MGAT4C: variants seen among roughly 807,000 people sequenced by gnomAD.
The protein encoded by MGAT4C is alpha-1,3-mannosyl-glycoprotein 4-beta-N-acetylglucosaminyltransferase C.
A neutral mutation model predicts 40.1 loss-of-function variants in MGAT4C; 19 were observed. That is an observed-to-expected ratio of 0.47 (90% CI 0.33 to 0.70). The LOEUF is 0.70. Among genes scored for constraint, MGAT4C ranks in the 30% least tolerant of loss-of-function variants. The probability of loss-of-function intolerance (pLI) is 0.02; values close to 1 mark genes in which losing one functional copy is unlikely to be tolerated. For synonymous variants in MGAT4C, 181 were observed against 187.1 expected, an observed-to-expected ratio of 0.97 and a Z score of 0.27; for missense variants, 491 against 563.2, an observed-to-expected ratio of 0.87 and a Z score of 1.30.
rs1885237574 is a variant in MGAT4C at position 86,158,538 on chromosome 12, T to C, written c.-57+97701A>G. On this transcript the variant is annotated intron_variant, in intron 1 of 4. Transcript: ENST00000611864. ...ATTTCTTCTTCTTATTTCATGTCTT[T>C]ATTTTAAAAGAATCAACAACACAGA... 2.0e-5 allele frequency among the ~76,000 whole-genome samples: 3 copies of C among 152,174 alleles called. No individual in the cohort carries two copies. The South Asian group carries it at 6.2e-4, about 31-fold the overall frequency.
chr12:86,234,178 G>A lies in MGAT4C; in HGVS notation c.-57+22061C>T, dbSNP rs529326904. ...AGTTTTTTGTAAAAAACATGTATGT[G>A]TTTCCCTAAAGATGAATTCCAGAGA... On this transcript the variant is annotated intron_variant, in intron 1 of 4. Transcript: ENST00000611864. 7.8e-4 allele frequency among the ~76,000 whole-genome samples: 118 copies of A among 152,138 alleles called. 2 individuals carry two copies. In the South Asian group the frequency reaches 0.012, roughly 16 times the overall value.
At chr12:86,734,641 T>C (rs1350887522) in intron 1 of MGAT4C, among the ~76,000 whole-genome samples, 3 of 151,940 alleles carry the variant, frequency 2.0e-5, no homozygotes, top group African/African-American at 4.8e-5. Flanking sequence ...CTGTAGCACA[T>C]GAGGATACAA....
intron 3 of MGAT4C, among the ~76,000 whole-genome samples, chr12:86,380,608 C>A (rs1955910503): frequency 6.6e-6 from 1 of 152,066 alleles, no homozygotes; most frequent in African/African-American, 2.4e-5. Flanking sequence ...ATGATTAGAT[C>A]AAAATTCAAC....
At chr12:86,109,044 G>A (rs553174169) in intron 1 of MGAT4C, among the ~76,000 whole-genome samples, 1 of 152,126 alleles carries the variant, frequency 6.6e-6, no homozygotes, top group South Asian at 2.1e-4. Flanking sequence ...ACTCCTGAAG[G>A]GAAGCAGAGA....
At chr12:86,807,486 T>C (rs374170580) in intron 1 of MGAT4C, among the ~76,000 whole-genome samples, 201 of 152,252 alleles carry the variant, frequency 1.3e-3, no homozygotes, top group African/African-American at 4.5e-3. Flanking sequence ...TAGTATTCCA[T>C]AGTGTATATG....
intron 1 of MGAT4C, among the ~76,000 whole-genome samples, chr12:86,192,423 C>T (rs1194855794): frequency 6.6e-6 from 1 of 152,074 alleles, no homozygotes; most frequent in African/African-American, 2.4e-5. Flanking sequence ...CCTTCCACAC[C>T]TGTTTGAGGA....
At chr12:85,993,358 CA>C (rs1886203288) in intron 2 of MGAT4C, among the ~76,000 whole-genome samples, 1 of 152,046 alleles carries the variant, frequency 6.6e-6, no homozygotes, top group Non-Finnish European at 1.5e-5. Flanking sequence ...GGAAGAATGG[CA>C]ATACCATTGG....
chr12:86,038,588 G>A (rs1234805684), intron 2 of MGAT4C, among the ~76,000 whole-genome samples: 2 of 141,590 alleles, frequency 1.4e-5, no homozygotes, highest in Non-Finnish European at 3.1e-5. Flanking sequence ...CATTTGCTTG[G>A]TAAATATTCC....
intron 2 of MGAT4C, among the ~76,000 whole-genome samples, chr12:86,694,095 A>C (rs1950215126): frequency 6.6e-6 from 1 of 152,200 alleles, no homozygotes; most frequent in Non-Finnish European, 1.5e-5. Context: ...TTAGGAATGA[A>C]TTATGATAAA....
chr12:86,782,171 A>AT (rs57791582), intron 1 of MGAT4C, among the ~76,000 whole-genome samples: 18,433 of 40,342 alleles, frequency 0.46, 7,305 homozygotes, highest in East Asian at 0.57. Flanking sequence ...TGTTTTTTGT[A>AT]TTTTTTTTTT....
chr12:86,799,816 A>C (rs554070753), intron 1 of MGAT4C, among the ~76,000 whole-genome samples: 1 of 151,970 alleles, frequency 6.6e-6, no homozygotes, highest in South Asian at 2.1e-4. Context: ...TACCTAATGG[A>C]GAGGACTATA....
chr12:86,596,880 T>C (rs968325707), intron 2 of MGAT4C, among the ~76,000 whole-genome samples: 1 of 152,146 alleles, frequency 6.6e-6, no homozygotes, highest in Non-Finnish European at 1.5e-5. Flanking sequence ...CCCTTGTGGC[T>C]TAGAGGCCCC....
chr12:86,833,750 G>GT (rs1952977183), intron 1 of MGAT4C, among the ~76,000 whole-genome samples: 2 of 151,740 alleles, frequency 1.3e-5, no homozygotes, highest in South Asian at 4.1e-4. Context: ...TTTTCTGTCT[G>GT]TTTTTTTGTT....
intron 4 of MGAT4C, among the ~76,000 whole-genome samples, chr12:86,292,927 T>G (rs1312431425): frequency 6.6e-6 from 1 of 152,050 alleles, no homozygotes; most frequent in East Asian, 1.9e-4. Flanking sequence ...TGCTAATTGC[T>G]AAAAAATTAA....
chr12:86,054,458 G>A (rs1893199034), intron 1 of MGAT4C, among the ~76,000 whole-genome samples: 1 of 151,882 alleles, frequency 6.6e-6, no homozygotes, highest in South Asian at 2.1e-4. Context: ...TTCTTTGAAG[G>A]TTATACAATT....
At chr12:86,555,284 A>G (rs1959555213) in intron 2 of MGAT4C, among the ~76,000 whole-genome samples, 1 of 152,210 alleles carries the variant, frequency 6.6e-6, no homozygotes, top group African/African-American at 2.4e-5. Context: ...AAAAGACAGT[A>G]ATTGTCCTGA....
chr12:86,776,033 G>A (rs953010831), intron 1 of MGAT4C, among the ~76,000 whole-genome samples: 4 of 151,842 alleles, frequency 2.6e-5, no homozygotes, highest in Admixed American at 2.0e-4. Flanking sequence ...AATCAATGAC[G>A]TTTCTGTTTA....
At chr12:86,259,084 T>C (rs1952601822), upstream of MGAT4C, among the ~76,000 whole-genome samples, 1 of 152,002 alleles carries the variant, frequency 6.6e-6, no homozygotes, top group Non-Finnish European at 1.5e-5. Flanking sequence ...CCAAAGTATA[T>C]TTTATACATA....
chr12:86,719,856 T>C (rs1452467571), intron 2 of MGAT4C, among the ~76,000 whole-genome samples: 2 of 152,160 alleles, frequency 1.3e-5, no homozygotes, highest in African/African-American at 2.4e-5. Context: ...CTCAAGGATG[T>C]TGTGGGGAAA....
Sources: allele counts gnomAD v4.1 joint callset (sites outside exome capture counted in the v4.1 genomes callset), GRCh38; gene constraint gnomAD v4.1.1; transcripts MANE v1.5; gene names NCBI Gene and HGNC (gene_info 2026-07-23, HGNC 2026-07-21).